TAGAP: variants seen among roughly 807,000 people sequenced by gnomAD.
TAGAP encodes the protein T-cell activation Rho GTPase-activating protein.
Under a neutral mutation model 36.0 loss-of-function variants are expected in TAGAP, and 16 were observed. That is an observed-to-expected ratio of 0.44 (90% confidence interval 0.30 to 0.68). TAGAP has a LOEUF of 0.68. Among genes scored for constraint, TAGAP ranks in the 30% least tolerant of loss-of-function variants. The pLI is 0.09. For missense variants in TAGAP, 794 were observed against 921.5 expected (o/e 0.86, Z 1.79); for synonymous variants, 372 against 377.4 (o/e 0.99, Z 0.17).
At position 159,037,946 on chromosome 6, in the gene TAGAP, G is replaced by C. The variant is rs969669698; in HGVS notation, c.898+168C>G. On this transcript the variant is annotated intron_variant, in intron 9 of 9. Coordinates refer to ENST00000367066, the MANE Select transcript of TAGAP (RefSeq NM_054114.5). This position sits in a 1 kb window ranked among gnomAD's most constrained non-coding sequence, Gnocchi z 5.1. The stretch of plus-strand genomic sequence containing the variant: ...TGAGGAGGCGCTGCAGGAAAAGCCC[G>C]GAGCAGGGTTTTCATGTTTAATGAC... 3.3e-5 allele frequency among the ~76,000 whole-genome samples: 5 copies of C among 152,184 alleles called. No individual in the cohort carries two copies. The highest frequency in any genetic ancestry group is 1.2e-4 in the African/African-American group (5 of 41,448).
intron 7 of TAGAP, 55 bp from the exon 8 acceptor site, chr6:159,039,364 A>G: frequency 6.4e-7 from 1 of 1,561,484 alleles, no homozygotes; most frequent in South Asian, 1.1e-5. Flanking sequence ...TCTTCAGTGT[A>G]GCAAGCTGAG....
Position 159,039,362 on chromosome 6 carries a change from G to A in TAGAP, c.588-53C>T, listed in dbSNP as rs549884411. ...TTCAAAAAGGCTAATGGTCTTCAGT[G>A]TAGCAAGCTGAGAGTTTCTGCCGAA... On this transcript the variant is annotated intron_variant, in intron 7 of 9. Coordinates refer to ENST00000367066, the MANE Select transcript of TAGAP (RefSeq NM_054114.5). 6 of 1,561,886 alleles carry A rather than the reference G, an allele frequency of 3.8e-6. No individual in the cohort carries two copies. In the South Asian group the frequency reaches 5.7e-5, roughly 15 times the overall value.
chr6:159,040,371 C>G (rs543456797), intron 7 of TAGAP, among the ~76,000 whole-genome samples: 1 of 152,170 alleles, frequency 6.6e-6, no homozygotes, highest in South Asian at 2.1e-4. Flanking sequence ...AAGATAATCC[C>G]GAATTTCTAC....
chr6:159,042,948 T>G (rs1423015866), intron 4 of TAGAP: 3 of 152,708 alleles, frequency 2.0e-5, no homozygotes, highest in Non-Finnish European at 4.4e-5. Flanking sequence ...CCACAAGATG[T>G]GTGTGCAATG....
chr6:159,043,454 T>C, intron 4 of TAGAP, 135 bp downstream of exon 4: 2 of 769,070 alleles, frequency 2.6e-6, no homozygotes, highest in East Asian at 2.5e-5. Context: ...CATTTAAGGG[T>C]TAATGTTCTG....
chr6:159,036,493 A>G lies in TAGAP; in HGVS notation c.1530T>C (p.Ser510=), dbSNP rs951547019. 9 of 1,613,948 alleles carry G rather than the reference A, an allele frequency of 5.6e-6. No homozygotes were observed. Among genetic ancestry groups the G allele is most frequent in the Non-Finnish European group, 7.6e-6 (9 of 1,180,008 alleles). Reference sequence around the variant, plus strand: ...CTTTTTTGTGAGGGGCAAAGGTGAAAGACATGGAGTGCTTTTTAATTTCTC... The same window carrying G: ...CTTTTTTGTGAGGGGCAAAGGTGAAGGACATGGAGTGCTTTTTAATTTCTC... The part of the protein sequence containing the change: ...PSREIKKHSM[S]FTFAPHKKVL... Residue 510 remains serine, a synonymous_variant, in exon 10 of 10, where the codon TCT becomes TCC. Transcript: ENST00000367066. This position sits in a 1 kb window ranked among gnomAD's most constrained non-coding sequence, Gnocchi z 4.9.
In TAGAP at chr6:159,041,847, G is replaced by A; in HGVS notation, c.315+231C>T. The A allele has an allele frequency of 1.8e-6, 1 of 569,074 alleles. No individual in the cohort carries two copies. Among genetic ancestry groups the A allele is most frequent in the Non-Finnish European group, 3.0e-6 (1 of 328,124 alleles). 35.3% of individuals were successfully genotyped at this position (569,074 alleles called of 1,614,324 possible). On this transcript the variant is annotated intron_variant, in intron 5 of 9. Coordinates refer to ENST00000367066, the MANE Select transcript of TAGAP (RefSeq NM_054114.5). This position sits in a 1 kb window ranked among gnomAD's most constrained non-coding sequence, Gnocchi z 4.1. ...CACTCTGTGAAGTCAGAGGAATGGC[G>A]GGACCATAGCTCTGAGCTCATTGGC...
At position 159,041,494 on chromosome 6, in the gene TAGAP, G is replaced by C. The variant is rs1562587901; in HGVS notation, c.337C>G (p.Leu113Val). 6.2e-7 allele frequency: 1 copy of C among 1,614,008 alleles called. No individual in the cohort carries two copies. The highest frequency in any genetic ancestry group is 1.1e-5 in the South Asian group (1 of 91,066). ...ATCCCTTCCGTTGAAGGGCCTTTAA[G>C]GCATAGAATAGTGAGAATGTCCTAA... Reference protein sequence around the residue: ...PIQDILTILCLKGPSTEGIFR... With the variant: ...PIQDILTILCVKGPSTEGIFR... The change falls in exon 6 of 10, where the codon CTT (leucine) becomes GTT (valine). Residue 113 changes from leucine (L) to valine (V), a missense_variant. Leu to Val is a conservative substitution (Grantham distance 32). Transcript: ENST00000367066. This position sits in a 1 kb window ranked among gnomAD's most constrained non-coding sequence, Gnocchi z 4.1.
At chr6:159,038,266 T>TAA in intron 8 of TAGAP, 38 bp from the exon 9 acceptor site, 7 of 120,490 alleles carry the variant, frequency 5.8e-5, no homozygotes, top group Non-Finnish European at 7.0e-5. Flanking sequence ...GCTTGAAGAC[T>TAA]TTTTTTTTTT....
rs781342205 is a variant in TAGAP at position 159,037,037 on chromosome 6, C to G, written c.986G>C (p.Ser329Thr). Residue 329 changes from serine to threonine, a missense_variant, in exon 10 of 10, where the codon AGC becomes ACC. By Grantham distance (58) the Ser-to-Thr change is moderately conservative. Transcript: ENST00000367066. The surrounding 1 kb of genome is among the most constrained non-coding windows in gnomAD (Gnocchi z 5.1). ...SNSSSGISSP[S>T]RQPQVPMATA... ...GGCCATGGGCACCTGGGGCTGCCTG[C>G]TGGGAGAGCTGATGCCACTGCTGCT... The G allele has an allele frequency of 6.2e-7, 1 of 1,613,476 alleles. No homozygotes were observed. The highest frequency in any genetic ancestry group is 1.7e-5 in the Admixed American group (1 of 60,016).
rs1779485503 is a variant in TAGAP, at chr6:159,035,134, TA to T, written c.*692del. The T allele has an allele frequency of 1.3e-5, 2 of 152,392 alleles. No homozygotes were observed. The highest frequency in any genetic ancestry group is 2.9e-5 in the Non-Finnish European group (2 of 68,040). The allele number at this position is 152,392 out of a possible 1,614,324, so 9.4% of individuals were successfully genotyped here. ...AACTACAAAGATACTCAAAGTGCTA[TA>T]GATGAGTTAATATTGATGTAATACA... On this transcript the variant is annotated 3_prime_UTR_variant, in exon 10 of 10. Transcript: ENST00000367066.
chr6:159,043,798 C>A, intron 3 of TAGAP, 143 bp from the exon 4 acceptor site: 2 of 1,024,792 alleles, frequency 2.0e-6, no homozygotes, highest in Non-Finnish European at 3.0e-6. Context: ...CTTCTAGAAG[C>A]AATATTAAGG....
chr6:159,041,290 ATCC>A lies in TAGAP; in HGVS notation c.477+61_477+63del. The A allele has an allele frequency of 6.3e-7, 1 of 1,576,666 alleles. No homozygotes were observed. The highest frequency in any genetic ancestry group is 1.1e-5 in the South Asian group (1 of 87,210). On this transcript the variant is annotated intron_variant, in intron 6 of 9. Transcript: ENST00000367066. This position sits in a 1 kb window ranked among gnomAD's most constrained non-coding sequence, Gnocchi z 4.1. ...GTGGGGAGAAGAGCCTATTTCTTGC[ATCC>A]TGAGAATGAGTGTGTCAGGGCCCCT...
Position 159,044,040 on chromosome 6 carries a change from G to GA in TAGAP, c.28-10dup. ...GCGTTTAGTGTTTTTGACTAAAAGA[G>GA]AAAAAATAAAATTAGGTAAATATCT... On this transcript the variant is annotated splice_polypyrimidine_tract_variant and intron_variant, in intron 2 of 9. Coordinates refer to ENST00000367066, the MANE Select transcript of TAGAP (RefSeq NM_054114.5). 2 of 1,613,446 alleles carry GA rather than the reference G, an allele frequency of 1.2e-6. No homozygotes were observed. Among genetic ancestry groups the GA allele is most frequent in the Non-Finnish European group, 1.7e-6 (2 of 1,179,726 alleles).
chr6:159,035,799 A>G lies in TAGAP; in HGVS notation c.*28T>C, dbSNP rs760573934. 6.4e-7 allele frequency: 1 copy of G among 1,560,742 alleles called. No individual in the cohort carries two copies. Among genetic ancestry groups the G allele is most frequent in the South Asian group, 1.2e-5 (1 of 85,396 alleles). ...AAGTCTCATATTTACAGATAGCACA[A>G]GCTATGGCATGGCGTATGGCCTCCC... On this transcript the variant is annotated 3_prime_UTR_variant, in exon 10 of 10. Transcript: ENST00000367066.
intron 7 of TAGAP, among the ~76,000 whole-genome samples, chr6:159,040,135 C>G (rs1263888203): frequency 6.6e-6 from 1 of 152,156 alleles, no homozygotes; most frequent in Admixed American, 6.5e-5. Flanking sequence ...TTTTAGAATT[C>G]TCTAGTCACT....
Position 159,044,185 on chromosome 6 carries a change from C to T in TAGAP, c.-39G>A, listed in dbSNP as rs1779855766. 2 of 1,606,596 alleles carry T rather than the reference C, an allele frequency of 1.2e-6. No individual in the cohort carries two copies. Among genetic ancestry groups the T allele is most frequent in the Middle Eastern group, 1.7e-4 (1 of 6,036 alleles). ...GACTGTCCAGGGGTGGATTTCACTC[C>T]CGTGTGGCTGTGCCTCTGTCTACAA... On this transcript the variant is annotated 5_prime_UTR_variant, in exon 2 of 10. Transcript: ENST00000367066.
chr6:159,042,128 G>A lies in TAGAP; in HGVS notation c.265C>T (p.Pro89Ser). ...CTGTCACCGCAGATAATTGACAAGG[G>A]CTGATCAAATAGCGATGCTTTCAAG... is the stretch of plus-strand genomic sequence containing the variant. ...TDLKASLFDQPLSIICGDSDT... is the reference protein window; with the variant it reads ...TDLKASLFDQSLSIICGDSDT... Residue 89 changes from proline (P) to serine (S), a missense_variant, in exon 5 of 10, where the codon CCC becomes TCC. By Grantham distance (74) the Pro-to-Ser change is moderately conservative. Coordinates refer to ENST00000367066, the MANE Select transcript of TAGAP (RefSeq NM_054114.5). 1 of 1,614,210 alleles carries A rather than the reference G, an allele frequency of 6.2e-7. No homozygotes were observed. Among genetic ancestry groups the A allele is most frequent in the African/African-American group, 1.3e-5 (1 of 75,058 alleles).
At chr6:159,044,383 T>C (rs1194495642) in intron 1 of TAGAP, among the ~76,000 whole-genome samples, 179 bp from the exon 2 acceptor site, 5 of 152,244 alleles carry the variant, frequency 3.3e-5, no homozygotes, top group Non-Finnish European at 5.9e-5. Flanking sequence ...TTAAAATCAG[T>C]TCTGTTACCA....
Sources: allele counts gnomAD v4.1 joint callset (sites outside exome capture counted in the v4.1 genomes callset), GRCh38; gene constraint gnomAD v4.1.1; non-coding constraint Gnocchi (gnomAD v3.1); transcripts MANE v1.5; gene names NCBI Gene and HGNC (gene_info 2026-07-23, HGNC 2026-07-21).